SDK2: variants seen among roughly 807,000 people sequenced by gnomAD.
SDK2 encodes sidekick cell adhesion molecule 2, also known as protein sidekick-2.
A neutral mutation model predicts 253.9 loss-of-function variants in SDK2; 105 were observed. The observed-to-expected ratio is 0.41, with a 90% CI of 0.35 to 0.49. The LOEUF (loss-of-function observed/expected upper bound fraction) is 0.49. Ranked by LOEUF, SDK2 falls within the 20% of genes least tolerant of loss-of-function variation. The pLI is 0.06. For missense variants in SDK2, 2,608 were observed against 3,003.0 expected (o/e 0.87, Z 3.07); for synonymous variants, 1,249 against 1,234.9 (o/e 1.01, Z -0.24).
chr17:73,544,055 A>C (rs1181145918), intron 1 of SDK2, among the ~76,000 whole-genome samples: 1 of 152,238 alleles, frequency 6.6e-6, no homozygotes, highest in African/African-American at 2.4e-5. Context: ...TGTTTGGGAC[A>C]CAGGAGATAG....
At chr17:73,418,645 C>T (rs1327125948) in intron 16 of SDK2, among the ~76,000 whole-genome samples, 2 of 152,170 alleles carry the variant, frequency 1.3e-5, no homozygotes, top group African/African-American at 4.8e-5. Context: ...TTATGAATAC[C>T]ACATTTTAGT....
chr17:73,532,531 C>A (rs1009956490), intron 1 of SDK2, among the ~76,000 whole-genome samples: 4 of 152,216 alleles, frequency 2.6e-5, no homozygotes, highest in Non-Finnish European at 5.9e-5. Flanking sequence ...GAGAGAGCCA[C>A]TTCCTCCAGG....
intron 1 of SDK2, among the ~76,000 whole-genome samples, chr17:73,641,929 C>G (rs1410975668): frequency 2.0e-5 from 3 of 152,120 alleles, no homozygotes; most frequent in Non-Finnish European, 4.4e-5. Context: ...CCTCCAGGGA[C>G]ACACACAGCA....
intron 1 of SDK2, among the ~76,000 whole-genome samples, chr17:73,608,739 G>A (rs922714961): frequency 2.0e-5 from 3 of 152,138 alleles, no homozygotes; most frequent in Non-Finnish European, 4.4e-5. Flanking sequence ...CACTGTGCCA[G>A]GCCTAAAATT....
intron 18 of SDK2, among the ~76,000 whole-genome samples, chr17:73,411,155 G>A (rs1362575477): frequency 6.6e-6 from 1 of 152,112 alleles, no homozygotes; most frequent in Non-Finnish European, 1.5e-5. Context: ...GCAAAGCTCT[G>A]CTCGACCTTG....
At position 73,546,922 on chromosome 17, in the gene SDK2, T is replaced by C. The variant is rs552784781; in HGVS notation, c.65-39325A>G. On this transcript the variant is annotated intron_variant, in intron 1 of 44. Transcript: ENST00000392650. ...GCAGAGCTGGGATGCAAACTCAGATTCCCTGGAACCCCCAGTCTGCACTCT... is the reference window on the plus strand; with the variant it reads ...GCAGAGCTGGGATGCAAACTCAGATCCCCTGGAACCCCCAGTCTGCACTCT... 2.0e-5 allele frequency among the ~76,000 whole-genome samples: 3 copies of C among 152,288 alleles called. No individual in the cohort carries two copies. In the South Asian group the frequency reaches 6.2e-4, roughly 32 times the overall value.
At chr17:73,466,204 A>G (rs559687763) in intron 3 of SDK2, among the ~76,000 whole-genome samples, 1 of 152,280 alleles carries the variant, frequency 6.6e-6, no homozygotes, top group South Asian at 2.1e-4. Context: ...GTGGCTAGGC[A>G]TGTATCTACT....
chr17:73,520,875 C>T (rs1390988748), intron 1 of SDK2: 2 of 152,102 alleles, frequency 1.3e-5, no homozygotes, highest in African/African-American at 4.8e-5. Context: ...AGATGGGGCT[C>T]AGATTGGTGA....
intron 26 of SDK2, 117 bp from the exon 27 acceptor site, chr17:73,393,866 A>C: frequency 8.8e-6 from 7 of 799,754 alleles, no homozygotes; most frequent in African/African-American, 3.4e-5. Flanking sequence ...CAACTTCCAG[A>C]CCAGGGCTGG....
At chr17:73,638,233 T>C (rs909451398) in intron 1 of SDK2, among the ~76,000 whole-genome samples, 11 of 152,284 alleles carry the variant, frequency 7.2e-5, no homozygotes, top group African/African-American at 2.4e-4. Flanking sequence ...ATTCATTCAT[T>C]CAGTCTTCAT....
chr17:73,349,757 G>C (rs796192217), intron 43 of SDK2, among the ~76,000 whole-genome samples: 14 of 152,266 alleles, frequency 9.2e-5, no homozygotes, highest in African/African-American at 2.6e-4. Context: ...TTCCCAAATG[G>C]GGAGGAAGAC....
At chr17:73,468,736 A>G (rs1360592332) in intron 3 of SDK2, among the ~76,000 whole-genome samples, 1 of 151,850 alleles carries the variant, frequency 6.6e-6, no homozygotes, top group Non-Finnish European at 1.5e-5. Context: ...TGTGTTAGCC[A>G]GGATGGTCTC....
At chr17:73,636,731 G>A (rs1417778185) in intron 1 of SDK2, among the ~76,000 whole-genome samples, 1 of 149,068 alleles carries the variant, frequency 6.7e-6, no homozygotes, top group Non-Finnish European at 1.5e-5. Context: ...AGAAAAAGGT[G>A]AGAAGATGTG....
intron 1 of SDK2, among the ~76,000 whole-genome samples, chr17:73,578,743 G>T (rs1840909630): frequency 6.6e-6 from 1 of 152,106 alleles, no homozygotes; most frequent in Non-Finnish European, 1.5e-5. Context: ...GTTAGCTGGA[G>T]CACCTCAGGC....
chr17:73,522,614 C>T (rs139993155), intron 1 of SDK2, among the ~76,000 whole-genome samples: 2 of 152,196 alleles, frequency 1.3e-5, no homozygotes, highest in Non-Finnish European at 1.5e-5. Flanking sequence ...ACTCTGCTAC[C>T]GCCTCCTGAT....
intron 1 of SDK2, among the ~76,000 whole-genome samples, chr17:73,561,069 G>A (rs1010549125): frequency 2.0e-5 from 3 of 152,148 alleles, no homozygotes; most frequent in Non-Finnish European, 2.9e-5. Flanking sequence ...ACCCAGCCTC[G>A]CTCCTGGTCA....
At chr17:73,408,426 G>A (rs937332827) in intron 18 of SDK2, among the ~76,000 whole-genome samples, 2 of 151,628 alleles carry the variant, frequency 1.3e-5, no homozygotes, top group South Asian at 2.1e-4. Context: ...GGGTTTCACC[G>A]TGTTAGCCAG....
chr17:73,375,009 G>A (rs1043702260), intron 36 of SDK2, among the ~76,000 whole-genome samples: 2 of 151,990 alleles, frequency 1.3e-5, no homozygotes, highest in African/African-American at 4.8e-5. Flanking sequence ...CCAAAGCCCC[G>A]AAGGACCCCA....
chr17:73,585,704 C>A (rs1225117309), intron 1 of SDK2, among the ~76,000 whole-genome samples: 9 of 152,174 alleles, frequency 5.9e-5, no homozygotes, highest in Admixed American at 5.2e-4. Flanking sequence ...CCAGGGGGAG[C>A]CCCCAACCCC....
Sources: gnomAD v4.1 joint callset for allele counts (sites outside exome capture counted in the v4.1 genomes callset) on GRCh38, gnomAD v4.1.1 for gene constraint, MANE v1.5 for transcripts, NCBI Gene and HGNC (gene_info 2026-07-23, HGNC 2026-07-21) for gene names.